LRP6: variants seen among roughly 807,000 people sequenced by gnomAD.
The protein encoded by LRP6 is LDL receptor related protein 6, also known as low-density lipoprotein receptor-related protein 6.
Under a neutral mutation model 184.1 loss-of-function variants are expected in LRP6, and 43 were observed. The ratio of observed to expected loss-of-function variants is 0.23; its 90% CI spans 0.18 to 0.30. The LOEUF (loss-of-function observed/expected upper bound fraction) is 0.30. LRP6 is among the 10% of genes least tolerant of loss of function. LRP6 has a pLI of 1.00. For synonymous variants in LRP6, 719 were observed against 684.9 expected, an observed-to-expected ratio of 1.05 and a Z score of -0.78; for missense variants, 1,571 against 2,005.3, an observed-to-expected ratio of 0.78 and a Z score of 4.14.
chr12:12,214,057 C>A (rs1200926580), intron 2 of LRP6, among the ~76,000 whole-genome samples: 1 of 152,074 alleles, frequency 6.6e-6, no homozygotes, highest in Non-Finnish European at 1.5e-5. Flanking sequence ...TAGACTTTTA[C>A]CATTACCCAC....
chr12:12,215,724 A>G (rs1440975821), intron 2 of LRP6, among the ~76,000 whole-genome samples: 1 of 148,434 alleles, frequency 6.7e-6, no homozygotes, highest in Non-Finnish European at 1.5e-5. Context: ...TTAAGAATCT[A>G]TTTGTGGCCA....
chr12:12,176,059 A>T lies in LRP6; in HGVS notation c.1545+3751T>A, dbSNP rs185983190. Reference sequence around the variant, plus strand: ...AAAAAAGGAATGCTGTTAAGAAACAAGGTTGTTCTGCCTACTGCAGGGTCA... The same window carrying T: ...AAAAAAGGAATGCTGTTAAGAAACATGGTTGTTCTGCCTACTGCAGGGTCA... On this transcript the variant is annotated intron_variant, in intron 7 of 22. Transcript: ENST00000261349. Among the ~76,000 whole-genome samples the T allele has an allele frequency of 1.4e-3, 205 of 151,806 alleles. 1 individual carries two copies. The highest frequency in any genetic ancestry group is 4.6e-3 in the African/African-American group (189 of 41,466).
At chr12:12,177,402 T>C (rs890264108) in intron 7 of LRP6, among the ~76,000 whole-genome samples, 4 of 152,120 alleles carry the variant, frequency 2.6e-5, no homozygotes, top group Non-Finnish European at 5.9e-5. Context: ...AAATTATACA[T>C]CTTTGTAAAA....
intron 2 of LRP6, among the ~76,000 whole-genome samples, chr12:12,224,586 T>C (rs1444300148): frequency 6.6e-6 from 1 of 152,220 alleles, no homozygotes; most frequent in Non-Finnish European, 1.5e-5. Context: ...CTCTAACACT[T>C]ATGTGTCTAT....
intron 4 of LRP6, among the ~76,000 whole-genome samples, 184 bp from the exon 5 acceptor site, chr12:12,184,295 A>G (rs1326335367): frequency 4.6e-5 from 7 of 152,220 alleles, no homozygotes; most frequent in Admixed American, 4.6e-4. Context: ...TTTTGTAACC[A>G]AAGAGGAATA....
At chr12:12,174,496 A>G (rs566499864) in intron 7 of LRP6, among the ~76,000 whole-genome samples, 3 of 152,356 alleles carry the variant, frequency 2.0e-5, no homozygotes, top group African/African-American at 7.2e-5. Context: ...GATACTTGTC[A>G]TATTATCAGA....
chr12:12,194,765 T>C (rs537685483), intron 3 of LRP6, among the ~76,000 whole-genome samples: 13 of 152,266 alleles, frequency 8.5e-5, no homozygotes, highest in Admixed American at 2.6e-4. Flanking sequence ...AATTATATAA[T>C]GTTTTACCTA....
chr12:12,244,223 G>C (rs567351124), intron 2 of LRP6, 39 bp downstream of exon 2: 1 of 1,610,290 alleles, frequency 6.2e-7, no homozygotes, highest in African/African-American at 1.3e-5. Context: ...AAAACCGAAA[G>C]GAGGTATGAT....
chr12:12,242,184 C>T (rs1046931040), intron 2 of LRP6, among the ~76,000 whole-genome samples: 5 of 152,030 alleles, frequency 3.3e-5, no homozygotes, highest in African/African-American at 1.2e-4. Flanking sequence ...GCTCTTGTGC[C>T]CCTTCTAATT....
At chr12:12,128,250 AT>A (rs1373776398) in intron 19 of LRP6, among the ~76,000 whole-genome samples, 2 of 152,170 alleles carry the variant, frequency 1.3e-5, no homozygotes, top group African/African-American at 2.4e-5. Flanking sequence ...TCTGATCAAT[AT>A]TCTTCCAAGA....
intron 12 of LRP6, among the ~76,000 whole-genome samples, chr12:12,153,968 G>A (rs1322923444): frequency 6.6e-6 from 1 of 152,166 alleles, no homozygotes; most frequent in Non-Finnish European, 1.5e-5. Flanking sequence ...CTGTGCCAGG[G>A]GCATTGAGTA....
At chr12:12,142,646 CCAA>C (rs1376861194) in intron 15 of LRP6, among the ~76,000 whole-genome samples, 2 of 151,616 alleles carry the variant, frequency 1.3e-5, no homozygotes, top group African/African-American at 4.8e-5. Context: ...TGGCAAAACA[CCAA>C]CAAATACCTG....
intron 2 of LRP6, among the ~76,000 whole-genome samples, chr12:12,207,534 A>T (rs1052870022): frequency 6.6e-6 from 1 of 151,906 alleles, no homozygotes; most frequent in Non-Finnish European, 1.5e-5. Flanking sequence ...AATAATAATA[A>T]TATTAATAAT....
intron 12 of LRP6, chr12:12,155,316 T>G (rs569687140): frequency 1.3e-6 from 1 of 756,840 alleles, no homozygotes; most frequent in Admixed American, 1.7e-5. Context: ...CTCTAGGCCT[T>G]TTAGAAAGCA....
At chr12:12,190,634 G>A (rs758210584) in intron 3 of LRP6, among the ~76,000 whole-genome samples, 4 of 152,128 alleles carry the variant, frequency 2.6e-5, no homozygotes, top group Non-Finnish European at 5.9e-5. Flanking sequence ...ACACCTGCAT[G>A]CCCTCATTTA....
chr12:12,225,820 C>G (rs990914950), intron 2 of LRP6, among the ~76,000 whole-genome samples: 1 of 149,454 alleles, frequency 6.7e-6, no homozygotes, highest in African/African-American at 2.5e-5. Flanking sequence ...TGCACTGAGC[C>G]GAGATCACAC....
At position 12,221,492 on chromosome 12, in the gene LRP6, C is replaced by A. The variant is rs112655838; in HGVS notation, c.450-18092G>T. Among the ~76,000 whole-genome samples the A allele has an allele frequency of 5.4e-3, 817 of 152,242 alleles. 6 individuals are homozygous for A. Among genetic ancestry groups the A allele is most frequent in the African/African-American group, 0.019 (780 of 41,536 alleles). On this transcript the variant is annotated intron_variant, in intron 2 of 22. Coordinates refer to ENST00000261349, the MANE Select transcript of LRP6 (RefSeq NM_002336.3). Reference sequence around the variant, plus strand: ...ACAGCATCAGCAACATCATGAAATACCTACAACAAAAAATTTCAACCCTGG... The same window carrying A: ...ACAGCATCAGCAACATCATGAAATAACTACAACAAAAAATTTCAACCCTGG...
intron 19 of LRP6, among the ~76,000 whole-genome samples, chr12:12,129,696 G>A (rs574341315): frequency 1.0e-3 from 159 of 152,124 alleles, no homozygotes; most frequent in Non-Finnish European, 2.0e-3. Flanking sequence ...GGGATTACAG[G>A]TGCCCGCCAC....
chr12:12,213,860 T>C (rs1387129971), intron 2 of LRP6, among the ~76,000 whole-genome samples: 2 of 152,196 alleles, frequency 1.3e-5, no homozygotes, highest in African/African-American at 2.4e-5. Context: ...TTAGCTCTAT[T>C]AATACCAGTC....
Sources: gnomAD v4.1 joint callset for allele counts (sites outside exome capture counted in the v4.1 genomes callset) on GRCh38, gnomAD v4.1.1 for gene constraint, MANE v1.5 for transcripts, NCBI Gene and HGNC (gene_info 2026-07-23, HGNC 2026-07-21) for gene names.